GAS7: variants seen among roughly 807,000 people sequenced by gnomAD.
GAS7 encodes the protein growth arrest specific 7.
A neutral mutation model predicts 71.1 loss-of-function variants in GAS7; 28 were observed. That is an observed-to-expected ratio of 0.39 (90% CI 0.29 to 0.54). The LOEUF (loss-of-function observed/expected upper bound fraction) is 0.54, where lower values mean the gene tolerates loss of function less well. Among genes scored for constraint, GAS7 ranks in the 20% least tolerant of loss-of-function variants. The probability of loss-of-function intolerance (pLI) is 0.62; values close to 1 mark genes in which losing one functional copy is unlikely to be tolerated. For synonymous variants in GAS7, 258 were observed against 245.8 expected (o/e 1.05, Z -0.46); for missense variants, 436 against 627.8 (o/e 0.69, Z 3.27).
rs1232730342 is a variant in GAS7 at position 10,046,853 on chromosome 17, A to AGG, written c.184-26957_184-26956insCC. ...GGAAGGAAGGAAGGAAGGAAAGAAA[A>AGG]GAAAAGAAAAAAGAAAAGAAAAGGA... On this transcript the variant is annotated intron_variant, in intron 1 of 13. Coordinates refer to ENST00000432992, the MANE Select transcript of GAS7 (RefSeq NM_201433.2). Among the ~76,000 whole-genome samples, 7 of 123,922 alleles carry AGG rather than the reference A, an allele frequency of 5.6e-5. 3 individuals carry two copies. Among genetic ancestry groups the AGG allele is most frequent in the African/African-American group, 2.9e-4 (7 of 24,496 alleles). The allele number at this position is 123,922 out of a possible 152,430, so 81.3% of individuals were successfully genotyped here.
At chr17:10,181,023 G>T (rs933045280) in intron 1 of GAS7, among the ~76,000 whole-genome samples, 5 of 142,714 alleles carry the variant, frequency 3.5e-5, no homozygotes, top group Admixed American at 2.9e-4. Flanking sequence ...AGTGTTAAGG[G>T]GTCTAGAATA....
At chr17:10,049,085 T>G (rs2073024646) in intron 1 of GAS7, among the ~76,000 whole-genome samples, 1 of 152,324 alleles carries the variant, frequency 6.6e-6, no homozygotes, top group Admixed American at 6.5e-5. Flanking sequence ...TCCAGGCGCA[T>G]ACCAACAATG....
Position 9,916,610 on chromosome 17 carries a change from C to T in GAS7, c.*618G>A, listed in dbSNP as rs2152063259. The T allele has an allele frequency of 3.6e-6, 1 of 278,182 alleles. No individual in the cohort carries two copies. Among genetic ancestry groups the T allele is most frequent in the East Asian group, 5.4e-5 (1 of 18,510 alleles). 17.2% of individuals were successfully genotyped at this position (278,182 alleles called of 1,614,324 possible). A position where few individuals can be genotyped will look rare whatever the true frequency, so the allele number is the denominator to read the frequency against. On this transcript the variant is annotated 3_prime_UTR_variant, in exon 14 of 14. Transcript: ENST00000432992. ...GAATGAGGTAGTTCCATCCTGACCT[C>T]TCCAGGCATGGTGGGTCTGGGAAGA... is the stretch of plus-strand genomic sequence containing the variant.
At chr17:10,132,092 A>G (rs2074001819) in intron 1 of GAS7, among the ~76,000 whole-genome samples, 1 of 152,240 alleles carries the variant, frequency 6.6e-6, no homozygotes, top group African/African-American at 2.4e-5. Flanking sequence ...TCGTGAAGGT[A>G]TGAAAATGTA....
At chr17:10,023,952 T>C (rs962039343) in intron 1 of GAS7, among the ~76,000 whole-genome samples, 4 of 152,016 alleles carry the variant, frequency 2.6e-5, no homozygotes, top group Non-Finnish European at 5.9e-5. Context: ...GGTGAAACCC[T>C]GCATCTACTA....
At chr17:9,994,825 A>G (rs2070977190) in intron 2 of GAS7, among the ~76,000 whole-genome samples, 1 of 152,074 alleles carries the variant, frequency 6.6e-6, no homozygotes, top group African/African-American at 2.4e-5. Flanking sequence ...ACTCAAACAA[A>G]TTTACAAGAA....
In GAS7 at chr17:10,034,431, C is replaced by A. The variant is rs756240219; in HGVS notation, c.184-14534G>T. On this transcript the variant is annotated intron_variant, in intron 1 of 13. Transcript: ENST00000432992. This position sits in a 1 kb window ranked among gnomAD's most constrained non-coding sequence, Gnocchi z 4.4. Reference sequence around the variant, plus strand: ...TCAAGCGATTCTCCTCCCTCAGCCTCCCAATTAGCTGGGATTACAGGCACC... The same window carrying A: ...TCAAGCGATTCTCCTCCCTCAGCCTACCAATTAGCTGGGATTACAGGCACC... Among the ~76,000 whole-genome samples, 8 of 151,922 alleles carry A rather than the reference C, an allele frequency of 5.3e-5. No individual in the cohort carries two copies. The highest frequency in any genetic ancestry group is 7.4e-5 in the Non-Finnish European group (5 of 67,992).
At chr17:9,945,899 G>A (rs998942514) in intron 6 of GAS7, among the ~76,000 whole-genome samples, 2 of 152,086 alleles carry the variant, frequency 1.3e-5, no homozygotes, top group African/African-American at 2.4e-5. Flanking sequence ...CAGGAGAGTC[G>A]CTTGAACCTG....
intron 1 of GAS7, among the ~76,000 whole-genome samples, chr17:10,135,485 G>A (rs746814096): frequency 5.9e-5 from 9 of 152,202 alleles, no homozygotes; most frequent in Non-Finnish European, 1.2e-4. Flanking sequence ...GACTGAGCCC[G>A]CCCGAGAGAT....
chr17:10,181,022 G>A (rs8068974), intron 1 of GAS7, among the ~76,000 whole-genome samples: 67,987 of 144,528 alleles, frequency 0.47, 16,621 homozygotes, highest in East Asian at 0.68. Flanking sequence ...AAGTGTTAAG[G>A]GGTCTAGAAT....
chr17:10,190,103 G>A (rs1026936340), intron 1 of GAS7, among the ~76,000 whole-genome samples: 6 of 152,216 alleles, frequency 3.9e-5, no homozygotes, highest in Non-Finnish European at 5.9e-5. Context: ...CACTACAGCA[G>A]CAGAGTGGAT....
chr17:10,125,896 C>T (rs1045077838), intron 1 of GAS7, among the ~76,000 whole-genome samples: 3 of 152,190 alleles, frequency 2.0e-5, no homozygotes, highest in African/African-American at 7.2e-5. Flanking sequence ...CCCTCACATA[C>T]ACCCGCCCCG....
chr17:10,009,732 T>C (rs2071694776), intron 2 of GAS7, among the ~76,000 whole-genome samples: 1 of 149,870 alleles, frequency 6.7e-6, no homozygotes, highest in African/African-American at 2.5e-5. Context: ...AGTAGCCTGG[T>C]GTGGTGACAT....
intron 1 of GAS7, among the ~76,000 whole-genome samples, chr17:10,084,562 G>A (rs1292701418): frequency 1.3e-5 from 2 of 152,114 alleles, no homozygotes; most frequent in African/African-American, 4.8e-5. Context: ...TGCTTCCCAG[G>A]TTCAAGTGAT....
chr17:10,030,212 C>T (rs1014928988), intron 1 of GAS7, among the ~76,000 whole-genome samples: 6 of 152,148 alleles, frequency 3.9e-5, no homozygotes, highest in South Asian at 2.1e-4. Flanking sequence ...GTATTGGCCC[C>T]GAGGGGGCAG....
At chr17:10,001,088 C>G (rs1399963377) in intron 2 of GAS7, among the ~76,000 whole-genome samples, 1 of 152,168 alleles carries the variant, frequency 6.6e-6, no homozygotes, top group Non-Finnish European at 1.5e-5. Flanking sequence ...CTGGAACAAA[C>G]CCCTGATGGC....
chr17:10,059,955 T>C (rs8077283), intron 1 of GAS7: 39,020 of 278,932 alleles, frequency 0.14, 3,200 homozygotes, highest in African/African-American at 0.23. Flanking sequence ...AGCTGGGCCC[T>C]TTCCCCCTGA....
intron 1 of GAS7, among the ~76,000 whole-genome samples, chr17:10,148,448 A>T (rs2074137789): frequency 8.4e-6 from 1 of 119,318 alleles, no homozygotes; most frequent in African/African-American, 3.5e-5. Flanking sequence ...GTCTCTACTA[A>T]AATTACAAAA....
intron 5 of GAS7, among the ~76,000 whole-genome samples, chr17:9,952,897 G>A (rs995021227): frequency 6.6e-6 from 1 of 152,114 alleles, no homozygotes; most frequent in African/African-American, 2.4e-5. Context: ...CACAGTTGGA[G>A]GGAGCATAAA....
Sources: allele counts gnomAD v4.1 joint callset (sites outside exome capture counted in the v4.1 genomes callset), GRCh38; gene constraint gnomAD v4.1.1; non-coding constraint Gnocchi (gnomAD v3.1); transcripts MANE v1.5; gene names NCBI Gene and HGNC (gene_info 2026-07-23, HGNC 2026-07-21).